SDK1: variants seen among roughly 807,000 people sequenced by gnomAD.
The protein encoded by SDK1 is protein sidekick-1.
SDK1 carries 157 observed loss-of-function variants against 245.5 expected under a neutral mutation model. That is an observed-to-expected ratio of 0.64 (90% confidence interval 0.56 to 0.73). The LOEUF is 0.73. Among genes scored for constraint, SDK1 ranks in the 30% least tolerant of loss-of-function variants. The pLI is 0.00. For missense variants in SDK1, 3,583 were observed against 3,002.3 expected, an observed-to-expected ratio of 1.19 and a Z score of -4.52; for synonymous variants, 1,647 against 1,278.5, an observed-to-expected ratio of 1.29 and a Z score of -6.15.
intron 1 of SDK1, among the ~76,000 whole-genome samples, chr7:3,452,294 G>T (rs1345313175): frequency 1.3e-5 from 2 of 152,144 alleles, no homozygotes; most frequent in Non-Finnish European, 2.9e-5. Flanking sequence ...CTGGCTTTAT[G>T]TGTTGCCTTT....
At chr7:4,140,494 G>C (rs1779511926) in intron 28 of SDK1, among the ~76,000 whole-genome samples, 1 of 152,190 alleles carries the variant, frequency 6.6e-6, no homozygotes, top group African/African-American at 2.4e-5. Flanking sequence ...AGAATGTCCT[G>C]CTGAGTGACT....
intron 1 of SDK1, among the ~76,000 whole-genome samples, chr7:3,417,087 T>G (rs557841822): frequency 3.3e-5 from 5 of 151,996 alleles, no homozygotes; most frequent in African/African-American, 1.2e-4. Context: ...GGCAGGAGAA[T>G]CCCCTGAACC....
intron 1 of SDK1, among the ~76,000 whole-genome samples, chr7:3,309,708 T>C (rs367676382): frequency 6.6e-6 from 1 of 152,172 alleles, no homozygotes; most frequent in African/African-American, 2.4e-5. Context: ...AAAACATGGC[T>C]GTTACCCTAA....
At chr7:3,533,316 A>G (rs1451389020) in intron 1 of SDK1, among the ~76,000 whole-genome samples, 1 of 152,204 alleles carries the variant, frequency 6.6e-6, no homozygotes, top group African/African-American at 2.4e-5. Context: ...AGTGAATTGA[A>G]AAGTTGGATA....
chr7:4,220,320 C>T (rs759594575), intron 39 of SDK1, 50 bp downstream of exon 39: 19 of 1,572,998 alleles, frequency 1.2e-5, no homozygotes, highest in African/African-American at 1.3e-5. Context: ...TTTAGCCTCC[C>T]GCCTCCTGCT....
chr7:3,401,274 G>A (rs1778880370), intron 1 of SDK1, among the ~76,000 whole-genome samples: 1 of 152,178 alleles, frequency 6.6e-6, no homozygotes, highest in Non-Finnish European at 1.5e-5. Flanking sequence ...ATCAAGATGA[G>A]TTGAGCATAA....
intron 1 of SDK1, among the ~76,000 whole-genome samples, chr7:3,361,706 G>A (rs575124368): frequency 6.6e-6 from 1 of 152,230 alleles, no homozygotes; most frequent in Non-Finnish European, 1.5e-5. Context: ...AATCACCTTT[G>A]GTCACACGAA....
chr7:4,128,896 T>C (rs2128197707), intron 26 of SDK1, among the ~76,000 whole-genome samples: 1 of 115,908 alleles, frequency 8.6e-6, no homozygotes, highest in Non-Finnish European at 1.8e-5. Context: ...GAGAGCAGCT[T>C]GGGGTGGGGT....
intron 29 of SDK1, among the ~76,000 whole-genome samples, chr7:4,148,141 C>T (rs1780111431): frequency 6.6e-6 from 1 of 152,136 alleles, no homozygotes; most frequent in Non-Finnish European, 1.5e-5. Context: ...ATACGCTGGG[C>T]CACCTCCCCT....
intron 5 of SDK1, among the ~76,000 whole-genome samples, chr7:3,915,445 G>A (rs1779338828): frequency 1.3e-5 from 2 of 152,182 alleles, no homozygotes. Context: ...TGCTGTTCTT[G>A]TGGTAGTGAA....
At chr7:3,805,237 T>G (rs558438110) in intron 4 of SDK1, among the ~76,000 whole-genome samples, 13 of 152,366 alleles carry the variant, frequency 8.5e-5, no homozygotes, top group African/African-American at 3.1e-4. Context: ...AAACCCTTGC[T>G]GAACTTATTT....
intron 4 of SDK1, among the ~76,000 whole-genome samples, chr7:3,775,725 C>T (rs532390198): frequency 2.2e-4 from 33 of 151,880 alleles, no homozygotes; most frequent in East Asian, 1.9e-3. Flanking sequence ...TACAGGCGCC[C>T]GCCACCGCAC....
intron 38 of SDK1, among the ~76,000 whole-genome samples, chr7:4,218,739 G>T (rs367834483): frequency 6.6e-6 from 1 of 152,282 alleles, no homozygotes; most frequent in African/African-American, 2.4e-5. Context: ...ACCAAGGGCA[G>T]CTCTTCTCAG....
chr7:3,700,878 A>C (rs952628688), intron 4 of SDK1, among the ~76,000 whole-genome samples: 1 of 152,014 alleles, frequency 6.6e-6, no homozygotes. Context: ...TGCTTCCGTC[A>C]GCTATTCCTT....
intron 25 of SDK1, among the ~76,000 whole-genome samples, chr7:4,117,322 G>A (rs1431018487): frequency 6.6e-6 from 1 of 152,110 alleles, no homozygotes; most frequent in East Asian, 1.9e-4. Context: ...ACAAAAATTA[G>A]CCAGGTGTGG....
intron 1 of SDK1, among the ~76,000 whole-genome samples, chr7:3,385,298 A>G (rs1418548037): frequency 6.6e-6 from 1 of 152,214 alleles, no homozygotes; most frequent in Non-Finnish European, 1.5e-5. Context: ...TACGCTGTGA[A>G]TGTATTATCC....
chr7:3,405,183 C>CAA (rs3839714), intron 1 of SDK1, among the ~76,000 whole-genome samples: 1 of 150,224 alleles, frequency 6.7e-6, no homozygotes, highest in Non-Finnish European at 1.5e-5. Context: ...AAAACAAAAA[C>CAA]AAAAAACACT....
intron 5 of SDK1, among the ~76,000 whole-genome samples, chr7:3,823,976 T>A (rs1779708467): frequency 6.6e-6 from 1 of 151,506 alleles, no homozygotes; most frequent in African/African-American, 2.4e-5. Flanking sequence ...TTTTTTTTTC[T>A]GCTAAAAGTT....
chr7:3,347,309 A>G (rs1185029710), intron 1 of SDK1, among the ~76,000 whole-genome samples: 1 of 152,038 alleles, frequency 6.6e-6, no homozygotes, highest in Non-Finnish European at 1.5e-5. Flanking sequence ...ATGGAGCAGT[A>G]TTTTTATAGG....
Sources: allele counts gnomAD v4.1 joint callset (sites outside exome capture counted in the v4.1 genomes callset), GRCh38; gene constraint gnomAD v4.1.1; transcripts MANE v1.5; gene names NCBI Gene and HGNC (gene_info 2026-07-23, HGNC 2026-07-21).